The following MYO1D variants were observed in gnomAD, a reference collection of about 807,000 sequenced individuals.
The protein encoded by MYO1D is unconventional myosin-Id.
Under a neutral mutation model 122.0 loss-of-function variants are expected in MYO1D, and 83 were observed. The observed-to-expected ratio is 0.68, with a 90% CI of 0.57 to 0.82. The LOEUF (loss-of-function observed/expected upper bound fraction) is 0.82, where lower values mean the gene tolerates loss of function less well. Ranked by LOEUF, MYO1D falls within the 40% of genes least tolerant of loss-of-function variation. The pLI, the probability that MYO1D is intolerant of heterozygous loss-of-function variation, is 0.00. For synonymous variants in MYO1D, 464 were observed against 446.9 expected (o/e 1.04, Z -0.48); for missense variants, 1,157 against 1,269.5 (o/e 0.91, Z 1.35).
At chr17:32,630,483 T>C (rs1488397609) in intron 20 of MYO1D, among the ~76,000 whole-genome samples, 1 of 152,212 alleles carries the variant, frequency 6.6e-6, no homozygotes, top group Non-Finnish European at 1.5e-5. Flanking sequence ...CATGATAAAG[T>C]ATCACAGACT....
At chr17:32,755,430 T>C in intron 11 of MYO1D, 62 bp downstream of exon 11, 1 of 1,516,528 alleles carries the variant, frequency 6.6e-7, no homozygotes, top group Non-Finnish European at 9.0e-7. Context: ...GTCGTTGAAC[T>C]CCATCAAACA....
chr17:32,612,831 C>T (rs777220299), intron 20 of MYO1D, among the ~76,000 whole-genome samples: 6 of 151,612 alleles, frequency 4.0e-5, no homozygotes, highest in African/African-American at 9.7e-5. Flanking sequence ...TGCAGTGGCA[C>T]GATCTCGGCT....
At chr17:32,797,725 T>C (rs35690182) in intron 1 of MYO1D, among the ~76,000 whole-genome samples, 13,714 of 152,258 alleles carry the variant, frequency 0.09, 908 homozygotes, top group Non-Finnish European at 0.14. Context: ...GGAGGAGCTA[T>C]TGTAGTCGTG....
At chr17:32,531,681 G>A (rs1259646233) in intron 21 of MYO1D, among the ~76,000 whole-genome samples, 1 of 152,154 alleles carries the variant, frequency 6.6e-6, no homozygotes, top group Non-Finnish European at 1.5e-5. Flanking sequence ...CCTTTTGTGT[G>A]CATCAAACAA....
chr17:32,666,513 T>G (rs2088637355), intron 16 of MYO1D, among the ~76,000 whole-genome samples: 1 of 152,220 alleles, frequency 6.6e-6, no homozygotes, highest in African/African-American at 2.4e-5. Context: ...AATTCTACCA[T>G]TTTTTCTTCT....
intron 8 of MYO1D, 147 bp downstream of exon 8, chr17:32,764,731 C>G: frequency 1.2e-6 from 1 of 849,928 alleles, no homozygotes; most frequent in East Asian, 2.6e-5. Flanking sequence ...GGGAGTTTTA[C>G]CGAGGCTTGT....
chr17:32,704,548 C>T (rs9914465), intron 16 of MYO1D, among the ~76,000 whole-genome samples: 5,472 of 152,202 alleles, frequency 0.036, 331 homozygotes, highest in African/African-American at 0.12. Context: ...CCAACAATTT[C>T]GTGTCTGAGA....
intron 16 of MYO1D, among the ~76,000 whole-genome samples, chr17:32,697,752 C>T (rs994173680): frequency 6.6e-6 from 1 of 152,066 alleles, no homozygotes; most frequent in Non-Finnish European, 1.5e-5. Context: ...GTATCTTAGT[C>T]CACATACTTG....
chr17:32,732,035 G>GA (rs2089646737), intron 14 of MYO1D, among the ~76,000 whole-genome samples: 1 of 152,234 alleles, frequency 6.6e-6, no homozygotes, highest in African/African-American at 2.4e-5. Flanking sequence ...CAACCCAGCT[G>GA]GGTATGCGCA....
At chr17:32,680,868 A>T (rs1280561493) in intron 16 of MYO1D, among the ~76,000 whole-genome samples, 2 of 152,128 alleles carry the variant, frequency 1.3e-5, no homozygotes, top group Non-Finnish European at 2.9e-5. Context: ...TCGGCTGTGA[A>T]TCCATCTGGT....
chr17:32,683,939 T>C, intron 16 of MYO1D, among the ~76,000 whole-genome samples: 1 of 152,148 alleles, frequency 6.6e-6, no homozygotes, highest in African/African-American at 2.4e-5. Context: ...GTGTGGCATA[T>C]AGTCTCGTGG....
chr17:32,718,493 G>T (rs1333418540), intron 15 of MYO1D, among the ~76,000 whole-genome samples: 1 of 151,984 alleles, frequency 6.6e-6, no homozygotes, highest in Admixed American at 6.6e-5. Flanking sequence ...GGGTCAGGAG[G>T]TTGAGACCAG....
chr17:32,811,690 A>C, intron 1 of MYO1D, among the ~76,000 whole-genome samples: 1 of 123,522 alleles, frequency 8.1e-6, no homozygotes, highest in African/African-American at 3.1e-5. Flanking sequence ...TCACCAAGCC[A>C]TGTGTTCCAG....
intron 1 of MYO1D, among the ~76,000 whole-genome samples, chr17:32,804,515 T>C (rs1370209573): frequency 6.6e-6 from 1 of 152,222 alleles, no homozygotes; most frequent in African/African-American, 2.4e-5. Context: ...TTGACACCTC[T>C]AGCCTGGAGT....
chr17:32,678,513 G>T (rs1597998918), intron 16 of MYO1D, among the ~76,000 whole-genome samples: 1 of 148,962 alleles, frequency 6.7e-6, no homozygotes, highest in African/African-American at 2.5e-5. Flanking sequence ...GCGGTGTTTG[G>T]TTTTTTGTTC....
chr17:32,551,890 C>T (rs1218880013), intron 21 of MYO1D, among the ~76,000 whole-genome samples: 1 of 152,166 alleles, frequency 6.6e-6, no homozygotes, highest in Non-Finnish European at 1.5e-5. Context: ...CCTCCAGTGG[C>T]TATCTGCTTT....
chr17:32,780,580 T>G lies in MYO1D; in HGVS notation c.300A>C (p.Ile100=), dbSNP rs749966766. 1 of 1,613,704 alleles carries G rather than the reference T, an allele frequency of 6.2e-7. No homozygotes were observed. ...KRRSKDTCIV[I]SGESGAGKTE... is the part of the protein sequence containing the mutation. ...CAGGGGATCCCCTCCAATTACCTGA[T>G]ATCACAATACAAGTGTCTTTTGATC... Residue 100 remains isoleucine (I), a synonymous_variant, in exon 2 of 22, where the codon ATA becomes ATC. Coordinates refer to ENST00000318217, the MANE Select transcript of MYO1D (RefSeq NM_015194.3).
rs1396174103 is a variant in MYO1D at position 32,494,502 on chromosome 17, T to C, written c.*257A>G. 3 of 488,190 alleles carry C rather than the reference T, an allele frequency of 6.1e-6. No individual in the cohort carries two copies. Among genetic ancestry groups the C allele is most frequent in the Non-Finnish European group, 1.1e-5 (3 of 274,502 alleles). 30.2% of individuals were successfully genotyped at this position (488,190 alleles called of 1,614,324 possible). On this transcript the variant is annotated 3_prime_UTR_variant, in exon 22 of 22. Transcript: ENST00000318217. ...CCATCCAGTTGCCTCTGGGGTGAGATTGGTCTGGACGTCAGCCCAGGGGTC... is the reference window on the plus strand; with the variant it reads ...CCATCCAGTTGCCTCTGGGGTGAGACTGGTCTGGACGTCAGCCCAGGGGTC...
At chr17:32,819,306 G>A (rs959884375) in intron 1 of MYO1D, among the ~76,000 whole-genome samples, 6 of 151,918 alleles carry the variant, frequency 3.9e-5, no homozygotes, top group Admixed American at 3.9e-4. Context: ...GATAAACAGA[G>A]ATCTCACAGG....
Sources: allele counts gnomAD v4.1 joint callset (sites outside exome capture counted in the v4.1 genomes callset), GRCh38; gene constraint gnomAD v4.1.1; transcripts MANE v1.5; gene names NCBI Gene and HGNC (gene_info 2026-07-23, HGNC 2026-07-21).